Variants in FRMD4A observed in about 807,000 individuals in gnomAD.
FRMD4A encodes the protein FERM domain-containing protein 4A.
A neutral mutation model predicts 129.1 loss-of-function variants in FRMD4A; 29 were observed. The observed-to-expected ratio is 0.22, with a 90% CI of 0.17 to 0.31. The LOEUF is 0.31. Ranked by LOEUF, FRMD4A falls within the 10% of genes least tolerant of loss-of-function variation. The probability of loss-of-function intolerance (pLI) is 1.00; values close to 1 mark genes in which losing one functional copy is unlikely to be tolerated. For missense variants in FRMD4A, 1,272 were observed against 1,375.8 expected, an observed-to-expected ratio of 0.92 and a Z score of 1.19; for synonymous variants, 634 against 571.6, an observed-to-expected ratio of 1.11 and a Z score of -1.56.
At chr10:14,130,899 C>G (rs1839213082) in intron 2 of FRMD4A, among the ~76,000 whole-genome samples, 1 of 152,206 alleles carries the variant, frequency 6.6e-6, no homozygotes. Flanking sequence ...TTTAAAAATT[C>G]TCCAAAGTGA....
intron 15 of FRMD4A, among the ~76,000 whole-genome samples, chr10:13,680,763 T>C (rs1276431686): frequency 1.3e-5 from 2 of 150,980 alleles, no homozygotes; most frequent in East Asian, 2.0e-4. Context: ...AAAAAGGATA[T>C]AGGCTGGGCG....
chr10:13,768,878 GAT>G (rs953251284), intron 6 of FRMD4A, among the ~76,000 whole-genome samples: 5 of 151,708 alleles, frequency 3.3e-5, no homozygotes, highest in Non-Finnish European at 7.4e-5. Flanking sequence ...ACAAGTATTA[GAT>G]CTATATTATT....
chr10:14,287,133 CA>C (rs1460940790), intron 2 of FRMD4A, among the ~76,000 whole-genome samples: 7 of 107,354 alleles, frequency 6.5e-5, no homozygotes, highest in Admixed American at 1.8e-4. Context: ...TGCTCTTTGA[CA>C]GGCCCCCCGC....
chr10:14,299,096 G>A (rs1260640893), intron 2 of FRMD4A, among the ~76,000 whole-genome samples: 1 of 152,170 alleles, frequency 6.6e-6, no homozygotes, highest in African/African-American at 2.4e-5. Flanking sequence ...TGGACATTTG[G>A]CCAGCCTTGT....
intron 2 of FRMD4A, among the ~76,000 whole-genome samples, chr10:13,925,418 G>C (rs2095120240): frequency 6.6e-6 from 1 of 152,006 alleles, no homozygotes; most frequent in Non-Finnish European, 1.5e-5. Context: ...TTCTGTTCTT[G>C]GTCATTCAAA....
rs1285305420 is a variant in FRMD4A at position 14,039,407 on chromosome 10, C to CATCCATCTATCT, written c.46-180496_46-180495insAGATAGATGGAT. Among the ~76,000 whole-genome samples, 19 of 147,698 alleles carry CATCCATCTATCT rather than the reference C, an allele frequency of 1.3e-4. 1 individual carries two copies. The highest frequency in any genetic ancestry group is 3.9e-4 in the African/African-American group (15 of 38,580). On this transcript the variant is annotated intron_variant, in intron 2 of 24. Transcript: ENST00000357447. ...CCATCCATCCATCCATCCATCCATC[C>CATCCATCTATCT]ATCTATCTATCTATCTATCTATCTA...
intron 2 of FRMD4A, among the ~76,000 whole-genome samples, chr10:13,937,343 T>A (rs72774665): frequency 0.088 from 13,417 of 152,134 alleles, 696 homozygotes; most frequent in Non-Finnish European, 0.12. Context: ...GCAGAAAGGG[T>A]CAGCAGATGA....
At chr10:14,033,109 T>A (rs943188846) in intron 2 of FRMD4A, among the ~76,000 whole-genome samples, 2 of 151,926 alleles carry the variant, frequency 1.3e-5, no homozygotes, top group African/African-American at 4.8e-5. Context: ...GAGTTCGAGA[T>A]CAGCCTGGCC....
intron 2 of FRMD4A, among the ~76,000 whole-genome samples, chr10:13,934,575 C>T (rs1044611563): frequency 6.6e-6 from 1 of 151,934 alleles, no homozygotes; most frequent in Admixed American, 6.6e-5. Context: ...TCCTTGTTGA[C>T]GAAGACTGAA....
intron 2 of FRMD4A, among the ~76,000 whole-genome samples, chr10:14,119,451 T>A (rs1838378986): frequency 6.6e-6 from 1 of 152,196 alleles, no homozygotes; most frequent in Admixed American, 6.5e-5. Context: ...TTCCCCTTCC[T>A]AAGACGTTCA....
At chr10:13,712,849 A>G (rs540417443) in intron 12 of FRMD4A, among the ~76,000 whole-genome samples, 35 of 152,260 alleles carry the variant, frequency 2.3e-4, no homozygotes, top group Non-Finnish European at 4.7e-4. Flanking sequence ...CACTCTAAGT[A>G]CTTAATGAGC....
At chr10:13,816,614 A>G (rs1011496158) in intron 3 of FRMD4A, among the ~76,000 whole-genome samples, 6 of 152,218 alleles carry the variant, frequency 3.9e-5, no homozygotes, top group African/African-American at 1.4e-4. Flanking sequence ...AGTGATTAAT[A>G]TACTACATTG....
chr10:14,116,751 A>G (rs2131804161), intron 2 of FRMD4A, among the ~76,000 whole-genome samples: 1 of 152,328 alleles, frequency 6.6e-6, no homozygotes, highest in Middle Eastern at 3.4e-3. Flanking sequence ...AACTCAAACC[A>G]GCACCTGACA....
chr10:14,143,654 G>A (rs150063022), intron 2 of FRMD4A, among the ~76,000 whole-genome samples: 19 of 152,160 alleles, frequency 1.2e-4, no homozygotes, highest in Middle Eastern at 3.4e-3. Context: ...TTGTTCTGTC[G>A]CCCAGGGTGG....
chr10:14,253,620 T>A (rs1844513153), intron 2 of FRMD4A, among the ~76,000 whole-genome samples: 1 of 152,212 alleles, frequency 6.6e-6, no homozygotes, highest in Non-Finnish European at 1.5e-5. Flanking sequence ...ATGCTTCAAT[T>A]GCTCATTCAC....
intron 2 of FRMD4A, among the ~76,000 whole-genome samples, chr10:14,185,535 A>C (rs372467616): frequency 4.0e-5 from 6 of 151,430 alleles, no homozygotes; most frequent in East Asian, 1.9e-4. Flanking sequence ...AGAACTATGG[A>C]AACTTGAAAC....
At chr10:13,657,579 G>T in intron 21 of FRMD4A, 57 bp from the exon 22 acceptor site, 1 of 1,466,452 alleles carries the variant, frequency 6.8e-7, no homozygotes, top group Non-Finnish European at 9.0e-7. Context: ...AAGGAGGGGT[G>T]CTCCGGGGAG....
intron 2 of FRMD4A, among the ~76,000 whole-genome samples, chr10:14,202,585 G>T (rs1464088699): frequency 6.6e-6 from 1 of 151,966 alleles, no homozygotes; most frequent in Non-Finnish European, 1.5e-5. Context: ...ATTTTTAGTA[G>T]AGACGGGGTT....
At chr10:13,776,823 G>A (rs1045763436) in intron 6 of FRMD4A, among the ~76,000 whole-genome samples, 1 of 152,188 alleles carries the variant, frequency 6.6e-6, no homozygotes, top group Non-Finnish European at 1.5e-5. Context: ...TGGGTTATCT[G>A]GGTCTAACAC....
Sources: gnomAD v4.1 joint callset for allele counts (sites outside exome capture counted in the v4.1 genomes callset) on GRCh38, gnomAD v4.1.1 for gene constraint, MANE v1.5 for transcripts, NCBI Gene and HGNC (gene_info 2026-07-23, HGNC 2026-07-21) for gene names.